Variants in RAP1GAP observed in about 807,000 individuals in gnomAD.
RAP1GAP encodes the protein RAP1 GTPase activating protein.
Under a neutral mutation model 87.2 loss-of-function variants are expected in RAP1GAP, and 35 were observed. The observed-to-expected ratio is 0.40, with a 90% CI of 0.31 to 0.53. RAP1GAP has a LOEUF of 0.53. Among genes scored for constraint, RAP1GAP ranks in the 20% least tolerant of loss-of-function variants. The pLI, the probability that RAP1GAP is intolerant of heterozygous loss-of-function variation, is 0.48. For missense variants in RAP1GAP, 734 were observed against 898.9 expected, an observed-to-expected ratio of 0.82 and a Z score of 2.35; for synonymous variants, 375 against 363.9, an observed-to-expected ratio of 1.03 and a Z score of -0.35.
intron 23 of RAP1GAP, 96 bp downstream of exon 23, chr1:21,597,865 G>A (rs996503109): frequency 6.7e-7 from 1 of 1,500,528 alleles, no homozygotes; most frequent in African/African-American, 1.4e-5. Flanking sequence ...GGCCTAGGGG[G>A]ACCTCTTGGT....
At chr1:21,659,455 C>A (rs1327379098) in intron 1 of RAP1GAP, among the ~76,000 whole-genome samples, 1 of 152,170 alleles carries the variant, frequency 6.6e-6, no homozygotes, top group Non-Finnish European at 1.5e-5. Flanking sequence ...GCGGCCCCAG[C>A]GCCCGTCCTC....
At chr1:21,621,076 C>G (rs2086964344) in intron 3 of RAP1GAP, among the ~76,000 whole-genome samples, 1 of 152,104 alleles carries the variant, frequency 6.6e-6, no homozygotes, top group Non-Finnish European at 1.5e-5. Context: ...AGGAGCACAC[C>G]CACTCAAACA....
chr1:21,626,789 T>C (rs914862242), intron 2 of RAP1GAP: 2 of 425,664 alleles, frequency 4.7e-6, no homozygotes, highest in Admixed American at 2.5e-5. Flanking sequence ...CGCCTTGGCA[T>C]TGAGGGGCTA....
At position 21,603,212 on chromosome 1, in the gene RAP1GAP, T is replaced by C. The variant is rs894450845; in HGVS notation, c.1429-299A>G. On this transcript the variant is annotated intron_variant, in intron 18 of 24. Coordinates refer to ENST00000374765, the MANE Select transcript of RAP1GAP (RefSeq NM_002885.4). The surrounding 1 kb of genome is among the most constrained non-coding windows in gnomAD (Gnocchi z 6.0). ...GAGGAGGCCGAGTCCTCAGAATGGC[T>C]ACCGCTCCCCGCCCCCCAGGGCTCT... 2.4e-6 allele frequency: 1 copy of C among 420,506 alleles called. No homozygotes were observed. The allele number at this position is 420,506 out of a possible 1,614,324, so 26.0% of individuals were successfully genotyped here.
chr1:21,648,820 A>G (rs1474389733), intron 2 of RAP1GAP, among the ~76,000 whole-genome samples: 1 of 152,168 alleles, frequency 6.6e-6, no homozygotes, highest in Non-Finnish European at 1.5e-5. Context: ...GAGAGCATCA[A>G]AGGGAAATAG....
chr1:21,640,007 C>T (rs369864744), intron 2 of RAP1GAP, among the ~76,000 whole-genome samples: 139 of 152,310 alleles, frequency 9.1e-4, no homozygotes, highest in African/African-American at 2.8e-3. Flanking sequence ...TCCAGACGCC[C>T]GCCTCACGTG....
chr1:21,608,446 TTC>T, intron 16 of RAP1GAP, 96 bp from the exon 17 acceptor site: 1 of 1,488,268 alleles, frequency 6.7e-7, no homozygotes, highest in Non-Finnish European at 9.0e-7. Flanking sequence ...ACGGGCCACC[TTC>T]TCTGAATGAG....
At chr1:21,632,316 T>C (rs1191638089) in intron 2 of RAP1GAP, among the ~76,000 whole-genome samples, 1 of 152,172 alleles carries the variant, frequency 6.6e-6, no homozygotes, top group Non-Finnish European at 1.5e-5. Context: ...CCCTCCCTTA[T>C]CTCTGCATCG....
chr1:21,635,952 T>C (rs973326509), intron 2 of RAP1GAP, among the ~76,000 whole-genome samples: 2 of 152,176 alleles, frequency 1.3e-5, no homozygotes, highest in Admixed American at 1.3e-4. Flanking sequence ...CAAGGATTGG[T>C]TGGAAGCAGA....
rs1030617095 is a variant in RAP1GAP, at chr1:21,622,039, C to A, written c.-18-1989G>T. On this transcript the variant is annotated intron_variant, in intron 3 of 24. Coordinates refer to ENST00000374765, the MANE Select transcript of RAP1GAP (RefSeq NM_002885.4). This position sits in a 1 kb window ranked among gnomAD's most constrained non-coding sequence, Gnocchi z 5.7. ...AAGTGGCCCTGGAGCATTCAGAGCC[C>A]CCCAAACGGGGCAGGGGCAGGGTAA... is the stretch of plus-strand genomic sequence containing the variant. Among the ~76,000 whole-genome samples, 2 of 152,160 alleles carry A rather than the reference C, an allele frequency of 1.3e-5. No individual in the cohort carries two copies. Among genetic ancestry groups the A allele is most frequent in the Non-Finnish European group, 2.9e-5 (2 of 68,018 alleles).
In RAP1GAP at chr1:21,626,361, T is replaced by G; in HGVS notation, c.-76A>C. The G allele has an allele frequency of 6.2e-7, 1 of 1,613,360 alleles. No individual in the cohort carries two copies. The highest frequency in any genetic ancestry group is 8.5e-7 in the Non-Finnish European group (1 of 1,179,426). ...CTAAGTTCACTCGTGACAGGTCTAG[T>G]GCCTGAGGGAAGTGCTGGTTCTGCC... On this transcript the variant is annotated 5_prime_UTR_variant, in exon 3 of 25. Transcript: ENST00000374765.
intron 2 of RAP1GAP, among the ~76,000 whole-genome samples, chr1:21,647,258 C>G (rs565681599): frequency 5.9e-5 from 9 of 152,164 alleles, no homozygotes; most frequent in Admixed American, 5.9e-4. Flanking sequence ...CTCAGGAGTT[C>G]GAGACCTGAC....
chr1:21,620,552 T>TG (rs35612713), intron 3 of RAP1GAP, among the ~76,000 whole-genome samples: 151,115 of 152,320 alleles, frequency 0.99, 74,966 homozygotes, highest in Middle Eastern at 1. Context: ...GCCCAGCACC[T>TG]TGCATGAGCC....
At chr1:21,635,326 T>C (rs1006661949) in intron 2 of RAP1GAP, among the ~76,000 whole-genome samples, 4 of 152,272 alleles carry the variant, frequency 2.6e-5, no homozygotes, top group African/African-American at 9.6e-5. Context: ...TTCTCTGAGC[T>C]CCAGGCATTC....
Position 21,612,049 on chromosome 1 carries a change from C to T in RAP1GAP, c.589G>A (p.Val197Ile), listed in dbSNP as rs191778225. Reference protein sequence around the residue: ...HVISNNFKFGVIYQKLGQTSE... With the variant: ...HVISNNFKFGIIYQKLGQTSE... ...ACCTGCCCAAGCTTCTGATAAATGACGCCAAACTTGAAGTTATTGCTGATG... is the reference window on the plus strand; with the variant it reads ...ACCTGCCCAAGCTTCTGATAAATGATGCCAAACTTGAAGTTATTGCTGATG... The change falls in exon 11 of 25, where the codon GTC becomes ATC. Residue 197 changes from valine (V) to isoleucine (I), a missense_variant. Coordinates refer to ENST00000374765, the MANE Select transcript of RAP1GAP (RefSeq NM_002885.4). 1.6e-5 allele frequency: 25 copies of T among 1,554,988 alleles called. No homozygotes were observed. The East Asian group carries it at 1.7e-4, about 11-fold the overall frequency.
chr1:21,662,263 C>T (rs776273437), intron 1 of RAP1GAP, among the ~76,000 whole-genome samples: 2 of 152,138 alleles, frequency 1.3e-5, no homozygotes, highest in Non-Finnish European at 2.9e-5. Context: ...CCAAGGGCTC[C>T]GGCACACTCA....
chr1:21,611,322 G>A (rs746384278), intron 13 of RAP1GAP, 130 bp downstream of exon 13: 10 of 1,294,150 alleles, frequency 7.7e-6, no homozygotes, highest in South Asian at 5.8e-5. Flanking sequence ...GACCCCACAA[G>A]TGGGGGCGCT....
rs1319888965 is a variant in RAP1GAP, at chr1:21,609,315, A to G, written c.1071+260T>C. Among the ~76,000 whole-genome samples, 5 of 152,140 alleles carry G rather than the reference A, an allele frequency of 3.3e-5. No homozygotes were observed. The highest frequency in any genetic ancestry group is 4.8e-5 in the African/African-American group (2 of 41,408). On this transcript the variant is annotated intron_variant, in intron 15 of 24. Transcript: ENST00000374765. The surrounding 1 kb of genome is among the most constrained non-coding windows in gnomAD (Gnocchi z 4.4). ...AAGAAAGAGACTGGAACTGTCAGAA[A>G]GAGAACAGAAATGAGGAGAGGCCAG... is the stretch of plus-strand genomic sequence containing the variant.
intron 2 of RAP1GAP, among the ~76,000 whole-genome samples, chr1:21,627,409 C>CTTTTTTTT (rs755209828): frequency 2.4e-5 from 3 of 125,238 alleles, no homozygotes; most frequent in African/African-American, 5.8e-5. Context: ...CTCCCTTCTT[C>CTTTTTTTT]TTTTTTTTTT....
Sources: gnomAD v4.1 joint callset for allele counts (sites outside exome capture counted in the v4.1 genomes callset) on GRCh38, gnomAD v4.1.1 for gene constraint, Gnocchi (gnomAD v3.1) non-coding constraint, MANE v1.5 for transcripts, NCBI Gene and HGNC (gene_info 2026-07-23, HGNC 2026-07-21) for gene names.